Variants in CSNK2A2IP observed in about 807,000 individuals in gnomAD.
The protein encoded by CSNK2A2IP is casein kinase 2 subunit alpha' interacting protein.
At chr3:88,361,156 G>A in the CSNK2A2IP span, among the ~76,000 whole-genome samples, 1 of 152,096 alleles carries the variant, frequency 6.6e-6, no homozygotes, top group Non-Finnish European at 1.5e-5. Flanking sequence ...GGAAATTACA[G>A]TGATAGAGTA....
At chr3:88,413,798 T>A in the CSNK2A2IP span, among the ~76,000 whole-genome samples, 1 of 151,952 alleles carries the variant, frequency 6.6e-6, no homozygotes, top group African/African-American at 2.4e-5. Context: ...ATGAGAAGTG[T>A]GATTAATTAA....
At chr3:88,407,933 G>A in the CSNK2A2IP span, among the ~76,000 whole-genome samples, 1 of 152,004 alleles carries the variant, frequency 6.6e-6, no homozygotes, top group Admixed American at 6.6e-5. Context: ...ATGTTGGCCA[G>A]GCTGGTCTTG....
At chr3:88,370,453 G>C in the CSNK2A2IP span, among the ~76,000 whole-genome samples, 1 of 151,716 alleles carries the variant, frequency 6.6e-6, no homozygotes. Context: ...GTGCAAAGTT[G>C]TGTTTTTTTG....
the CSNK2A2IP span, among the ~76,000 whole-genome samples, chr3:88,357,824 G>A: frequency 6.6e-6 from 1 of 151,190 alleles, no homozygotes; most frequent in Non-Finnish European, 1.5e-5. Context: ...GCATGATCTT[G>A]GCTCACTGCA....
the CSNK2A2IP span, among the ~76,000 whole-genome samples, chr3:88,398,485 G>T: frequency 1.0e-3 from 156 of 152,190 alleles, no homozygotes; most frequent in African/African-American, 3.6e-3. Flanking sequence ...ACACCAGTTA[G>T]ATAAATTAAT....
the CSNK2A2IP span, among the ~76,000 whole-genome samples, chr3:88,346,997 G>A: frequency 1.1e-4 from 17 of 152,058 alleles, no homozygotes; most frequent in East Asian, 3.3e-3. Flanking sequence ...ACTATTAACA[G>A]GAAATGGAAA....
the CSNK2A2IP span, among the ~76,000 whole-genome samples, chr3:88,405,963 T>C: frequency 5.3e-5 from 8 of 151,296 alleles, no homozygotes; most frequent in African/African-American, 2.0e-4. Flanking sequence ...AGAACCTAAG[T>C]TTTTTTCATC....
At chr3:88,444,997 A>T in the CSNK2A2IP span, among the ~76,000 whole-genome samples, 1 of 152,180 alleles carries the variant, frequency 6.6e-6, no homozygotes, top group East Asian at 1.9e-4. Context: ...TAAATGTTTG[A>T]TCTTATGATA....
the CSNK2A2IP span, among the ~76,000 whole-genome samples, chr3:88,452,032 G>T: frequency 6.6e-6 from 1 of 151,972 alleles, no homozygotes; most frequent in African/African-American, 2.4e-5. Context: ...AACTGCTCTG[G>T]AATATTCTCT....
At chr3:88,444,333 G>T in the CSNK2A2IP span, among the ~76,000 whole-genome samples, 1 of 152,014 alleles carries the variant, frequency 6.6e-6, no homozygotes, top group Non-Finnish European at 1.5e-5. Flanking sequence ...TTTAGATGAA[G>T]ATATTAACAG....
the CSNK2A2IP span, among the ~76,000 whole-genome samples, chr3:88,455,553 A>G: frequency 4.6e-5 from 7 of 151,664 alleles, no homozygotes; most frequent in East Asian, 1.4e-3. Flanking sequence ...TCAATTGGCT[A>G]TTTTTTTCTA....
At chr3:88,352,265 C>G in the CSNK2A2IP span, among the ~76,000 whole-genome samples, 1 of 152,074 alleles carries the variant, frequency 6.6e-6, no homozygotes, top group African/African-American at 2.4e-5. Context: ...ACATAAAACT[C>G]ACATTGGTGA....
the CSNK2A2IP span, among the ~76,000 whole-genome samples, chr3:88,395,732 A>G: frequency 6.6e-6 from 1 of 152,214 alleles, no homozygotes; most frequent in East Asian, 1.9e-4. Context: ...GTCTACCAAT[A>G]AACTGAAATG....
the CSNK2A2IP span, among the ~76,000 whole-genome samples, chr3:88,381,936 CTG>C: frequency 1.3e-4 from 20 of 152,266 alleles, no homozygotes; most frequent in Middle Eastern, 3.4e-3. Flanking sequence ...CATCAATAAA[CTG>C]TTTTTCTAAA....
the CSNK2A2IP span, among the ~76,000 whole-genome samples, chr3:88,458,579 T>C: frequency 6.6e-6 from 1 of 152,126 alleles, no homozygotes; most frequent in Non-Finnish European, 1.5e-5. Context: ...TAATCTCTAC[T>C]GTTTTCTTTC....
the CSNK2A2IP span, among the ~76,000 whole-genome samples, chr3:88,408,948 T>C: frequency 6.6e-6 from 1 of 152,032 alleles, no homozygotes; most frequent in Non-Finnish European, 1.5e-5. Flanking sequence ...ACGACCACTA[T>C]TGCCAACTGA....
the CSNK2A2IP span, among the ~76,000 whole-genome samples, chr3:88,455,055 G>C: frequency 1.3e-5 from 2 of 151,884 alleles, no homozygotes; most frequent in South Asian, 4.2e-4. Context: ...GTTGCAAATG[G>C]AAGGATTTCC....
chr3:88,351,283 A>T, the CSNK2A2IP span, among the ~76,000 whole-genome samples: 3 of 152,164 alleles, frequency 2.0e-5, no homozygotes, highest in African/African-American at 7.2e-5. Flanking sequence ...GATGGAAATT[A>T]AAAATAATAT....
chr3:88,392,187 A>G, the CSNK2A2IP span, among the ~76,000 whole-genome samples: 1 of 152,200 alleles, frequency 6.6e-6, no homozygotes, highest in African/African-American at 2.4e-5. Context: ...AGGAGTAGGT[A>G]GTACAGGGCA....
Sources: gnomAD v4.1 joint callset for allele counts (sites outside exome capture counted in the v4.1 genomes callset) on GRCh38, gnomAD v4.1.1 for gene constraint, MANE v1.5 for transcripts, NCBI Gene and HGNC (gene_info 2026-07-23, HGNC 2026-07-21) for gene names.